The following SLC2A13 variants were observed in gnomAD, a reference collection of about 807,000 sequenced individuals.
SLC2A13 encodes proton myo-inositol cotransporter.
SLC2A13 carries 32 observed loss-of-function variants against 64.4 expected under a neutral mutation model. That is an observed-to-expected ratio of 0.50 (90% confidence interval 0.37 to 0.67). SLC2A13 has a LOEUF of 0.67. SLC2A13 is among the 30% of genes least tolerant of loss of function. The probability of loss-of-function intolerance (pLI) is 0.00; values close to 1 mark genes in which losing one functional copy is unlikely to be tolerated. For missense variants in SLC2A13, 743 were observed against 829.2 expected (o/e 0.90, Z 1.28); for synonymous variants, 338 against 327.1 (o/e 1.03, Z -0.36).
intron 4 of SLC2A13, among the ~76,000 whole-genome samples, chr12:39,898,769 C>G (rs561062270): frequency 6.6e-6 from 1 of 152,138 alleles, no homozygotes. Flanking sequence ...CTACTTACAT[C>G]TCTCTCAATT....
intron 4 of SLC2A13, among the ~76,000 whole-genome samples, chr12:39,923,799 C>T (rs1945666524): frequency 6.6e-6 from 1 of 151,280 alleles, no homozygotes; most frequent in East Asian, 1.9e-4. Context: ...AAAAGCTTAC[C>T]AAACCTCATC....
At chr12:39,877,169 T>C (rs149700557) in intron 4 of SLC2A13, among the ~76,000 whole-genome samples, 317 of 152,282 alleles carry the variant, frequency 2.1e-3, no homozygotes, top group African/African-American at 7.2e-3. Flanking sequence ...GCTCTTATGC[T>C]GCTATAAAGA....
chr12:39,911,809 G>A (rs533094099), intron 4 of SLC2A13, among the ~76,000 whole-genome samples: 8 of 152,120 alleles, frequency 5.3e-5, no homozygotes, highest in African/African-American at 1.4e-4. Flanking sequence ...GTGGGGGTAT[G>A]TCTAAAAATT....
chr12:39,951,286 G>A lies in SLC2A13; in HGVS notation c.1005C>T (p.Phe335=). Residue 335 remains phenylalanine, a synonymous_variant, in exon 4 of 10, where the codon TTC becomes TTT. Coordinates refer to ENST00000280871, the MANE Select transcript of SLC2A13 (RefSeq NM_052885.4). ...ALIVGCGLQM[F]QQLSGINTIM... The stretch of plus-strand genomic sequence containing the variant: ...TGGTGTTAATGCCTGAGAGCTGCTG[G>A]AACATTTGTAGGCCACAACCCACAA... 2.5e-6 allele frequency: 4 copies of A among 1,613,390 alleles called. No individual in the cohort carries two copies. The highest frequency in any genetic ancestry group is 3.4e-6 in the Non-Finnish European group (4 of 1,179,678).
At chr12:39,829,919 A>C (rs1592179976) in intron 7 of SLC2A13, 184 bp downstream of exon 7, 1 of 752,466 alleles carries the variant, frequency 1.3e-6, no homozygotes, top group Non-Finnish European at 2.1e-6. Context: ...AGTGCTTTCT[A>C]CTCTGTGTGA....
intron 7 of SLC2A13, among the ~76,000 whole-genome samples, chr12:39,790,205 GT>G (rs201260405): frequency 2.4e-4 from 12 of 49,924 alleles, no homozygotes; most frequent in South Asian, 1.7e-3. Context: ...AGTGTACAGT[GT>G]TTTTTTTTTC....
At chr12:39,997,904 A>G (rs144588568) in intron 3 of SLC2A13, among the ~76,000 whole-genome samples, 1 of 152,330 alleles carries the variant, frequency 6.6e-6, no homozygotes, top group Non-Finnish European at 1.5e-5. Context: ...AACAGGGAAC[A>G]CTTCACCACT....
In SLC2A13 at chr12:40,009,430, GTT is replaced by G. The variant is rs374953481; in HGVS notation, c.925+18869_925+18870del. The stretch of plus-strand genomic sequence containing the variant: ...ATAGAACATTAAGGTTTTTTTGTTT[GTT>G]TGTTTTTGTTTTTTGAGACTGGGTC... On this transcript the variant is annotated intron_variant, in intron 3 of 9. Transcript: ENST00000280871. 6.6e-5 allele frequency among the ~76,000 whole-genome samples: 10 copies of G among 152,040 alleles called. No individual in the cohort carries two copies. In the South Asian group the frequency reaches 2.1e-3, roughly 32 times the overall value.
chr12:40,048,479 G>C (rs1001681718), intron 1 of SLC2A13, among the ~76,000 whole-genome samples: 15 of 152,050 alleles, frequency 9.9e-5, no homozygotes, highest in African/African-American at 3.4e-4. Context: ...ATTTCAGAGT[G>C]CATATAAGTA....
chr12:40,060,666 C>A (rs1237959882), intron 1 of SLC2A13, among the ~76,000 whole-genome samples: 2 of 152,110 alleles, frequency 1.3e-5, no homozygotes, highest in African/African-American at 2.4e-5. Flanking sequence ...AAAATAGTAT[C>A]CTCATTGCAC....
chr12:40,096,268 G>A (rs1188189048), intron 1 of SLC2A13, among the ~76,000 whole-genome samples: 1 of 151,914 alleles, frequency 6.6e-6, no homozygotes, highest in African/African-American at 2.4e-5. Flanking sequence ...TAAGTATCGT[G>A]TTCTTTTAAT....
chr12:40,079,900 T>C (rs1938330851), intron 1 of SLC2A13, among the ~76,000 whole-genome samples: 1 of 152,232 alleles, frequency 6.6e-6, no homozygotes, highest in Non-Finnish European at 1.5e-5. Flanking sequence ...TCTCACTCTG[T>C]GCCACCCAGC....
chr12:39,788,324 G>A (rs996291284), intron 7 of SLC2A13, among the ~76,000 whole-genome samples: 20 of 152,024 alleles, frequency 1.3e-4, no homozygotes, highest in Admixed American at 1.2e-3. Context: ...TGTGCTTTGG[G>A]GCCATTATTA....
chr12:39,997,868 T>C (rs1947258540), intron 3 of SLC2A13, among the ~76,000 whole-genome samples: 1 of 151,952 alleles, frequency 6.6e-6, no homozygotes, highest in Non-Finnish European at 1.5e-5. Flanking sequence ...AATTAAAAAA[T>C]AGTAGATGTT....
intron 4 of SLC2A13, among the ~76,000 whole-genome samples, chr12:39,878,950 C>G (rs1944269094): frequency 1.3e-5 from 2 of 152,266 alleles, no homozygotes; most frequent in African/African-American, 4.8e-5. Context: ...AGCCCAGAGC[C>G]TACTGCCCTG....
At chr12:40,072,901 T>C (rs543554814) in intron 1 of SLC2A13, among the ~76,000 whole-genome samples, 1 of 152,224 alleles carries the variant, frequency 6.6e-6, no homozygotes, top group African/African-American at 2.4e-5. Flanking sequence ...CCATATTTAT[T>C]GTTTTCATTT....
At chr12:39,881,699 C>A (rs1242566915) in intron 4 of SLC2A13, among the ~76,000 whole-genome samples, 1 of 152,190 alleles carries the variant, frequency 6.6e-6, no homozygotes, top group Non-Finnish European at 1.5e-5. Flanking sequence ...AACCTTCTTA[C>A]ACCTTGGATC....
intron 7 of SLC2A13, among the ~76,000 whole-genome samples, chr12:39,813,024 T>TTTTTTTTTTTTTTTA (rs60326584): frequency 7.4e-6 from 1 of 134,902 alleles, no homozygotes; most frequent in East Asian, 2.2e-4. Flanking sequence ...TTTTTTTTTT[T>TTTTTTTTTTTTTTTA]AGTAGAGATG....
At chr12:39,821,461 T>C (rs1227010204) in intron 7 of SLC2A13, among the ~76,000 whole-genome samples, 2 of 152,074 alleles carry the variant, frequency 1.3e-5, no homozygotes, top group Admixed American at 1.3e-4. Flanking sequence ...CCAGGGTATC[T>C]TGCTATATCA....
Sources: gnomAD v4.1 joint callset for allele counts (sites outside exome capture counted in the v4.1 genomes callset) on GRCh38, gnomAD v4.1.1 for gene constraint, MANE v1.5 for transcripts, NCBI Gene and HGNC (gene_info 2026-07-23, HGNC 2026-07-21) for gene names.